GLG1: variants seen among roughly 807,000 people sequenced by gnomAD.
GLG1 encodes the protein golgi glycoprotein 1, also known as Golgi apparatus protein 1.
Under a neutral mutation model 160.5 loss-of-function variants are expected in GLG1, and 38 were observed. The observed-to-expected ratio is 0.24, with a 90% CI of 0.18 to 0.31. GLG1 has a LOEUF of 0.31. GLG1 is among the 10% of genes least tolerant of loss of function. GLG1 has a pLI of 1.00. For synonymous variants in GLG1, 644 were observed against 543.4 expected (o/e 1.19, Z -2.57); for missense variants, 1,373 against 1,505.2 (o/e 0.91, Z 1.45).
chr16:74,554,516 A>G (rs2143711046), intron 1 of GLG1, among the ~76,000 whole-genome samples: 1 of 152,332 alleles, frequency 6.6e-6, no homozygotes, highest in Non-Finnish European at 1.5e-5. Context: ...TGGGTGACAG[A>G]AAAAGACTCC....
intron 4 of GLG1, among the ~76,000 whole-genome samples, chr16:74,497,604 A>C (rs560664736): frequency 6.6e-6 from 1 of 151,796 alleles, no homozygotes; most frequent in East Asian, 2.0e-4. Context: ...CGCCCGGCTA[A>C]TTTTTTGTGT....
intron 1 of GLG1, among the ~76,000 whole-genome samples, chr16:74,584,242 G>A (rs1039629827): frequency 6.6e-6 from 1 of 152,154 alleles, no homozygotes; most frequent in Non-Finnish European, 1.5e-5. Context: ...GAACAGTAAT[G>A]CCAGCTGCTC....
chr16:74,601,078 C>G (rs941144809), intron 1 of GLG1, among the ~76,000 whole-genome samples: 1 of 152,068 alleles, frequency 6.6e-6, no homozygotes, highest in Non-Finnish European at 1.5e-5. Flanking sequence ...CATATTGGCT[C>G]AAACAAAACA....
intron 4 of GLG1, among the ~76,000 whole-genome samples, chr16:74,498,347 G>A (rs1330128691): frequency 6.9e-6 from 1 of 145,848 alleles, no homozygotes; most frequent in African/African-American, 2.5e-5. Context: ...AAGGAGAATC[G>A]CTTGAACCCA....
chr16:74,477,977 A>AAAACAAATAAAC (rs55773213), intron 11 of GLG1, among the ~76,000 whole-genome samples: 2 of 140,148 alleles, frequency 1.4e-5, no homozygotes, highest in Non-Finnish European at 3.1e-5. Flanking sequence ...CCGTCTCAAA[A>AAAACAAATAAAC]AAATAAATAA....
intron 1 of GLG1, among the ~76,000 whole-genome samples, chr16:74,540,998 G>A (rs1405736577): frequency 1.3e-5 from 2 of 152,134 alleles, no homozygotes; most frequent in Non-Finnish European, 2.9e-5. Context: ...CTGTGAGGTT[G>A]TAACTACCAC....
At position 74,606,792 on chromosome 16, in the gene GLG1, C is replaced by T. The variant is rs1437015728; in HGVS notation, c.303G>A (p.Arg101=). The change falls in exon 1 of 26, where the codon CGG becomes CGA. Residue 101 remains arginine, a synonymous_variant. Transcript: ENST00000422840. ...PFPAGGPPAR[R]GGAGAGGGWK... is the part of the protein sequence containing the mutation. ...AGCCCCCACCAGCCCCCGCTCCTCC[C>T]CGCCGGGCCGGAGGCCCACCCGCCG... is the stretch of plus-strand genomic sequence containing the variant. 1.9e-6 allele frequency: 3 copies of T among 1,600,568 alleles called. No homozygotes were observed. The highest frequency in any genetic ancestry group is 3.5e-5 in the Admixed American group (2 of 57,582).
chr16:74,496,455 G>A lies in GLG1; in HGVS notation c.964C>T (p.Arg322Cys). Residue 322 changes from arginine to cysteine, a missense_variant, in exon 5 of 26, where the codon CGT (arginine) becomes TGT (cysteine). Physicochemically the swap from Arg to Cys is radical, Grantham distance 180 (BLOSUM62 -3). This residue lies in a region of GLG1 where 174 missense variants were observed against 229.9 expected (regional missense o/e 0.76). Coordinates refer to ENST00000422840, the MANE Select transcript of GLG1 (RefSeq NM_001145667.2). ...LYFACRDDRE[R>C]FCENTQAGEG... ...AGCTGACTCACATTTTCACAAAAAC[G>A]CTCCCGATCATCTCGGCAAGCAAAA... The A allele has an allele frequency of 6.2e-7, 1 of 1,611,230 alleles. No homozygotes were observed. The highest frequency in any genetic ancestry group is 8.5e-7 in the Non-Finnish European group (1 of 1,177,516).
chr16:74,579,505 T>C (rs1051672702), intron 1 of GLG1, among the ~76,000 whole-genome samples: 12 of 143,896 alleles, frequency 8.3e-5, no homozygotes, highest in Non-Finnish European at 1.4e-4. Context: ...GTGGATCACC[T>C]GAGGTCAGGA....
At chr16:74,501,660 C>T (rs947325773) in intron 4 of GLG1, among the ~76,000 whole-genome samples, 1 of 152,102 alleles carries the variant, frequency 6.6e-6, no homozygotes, top group African/African-American at 2.4e-5. Context: ...GCACTCATCA[C>T]GAGGGTGAAA....
chr16:74,479,446 GAA>G (rs1231343562), intron 11 of GLG1, among the ~76,000 whole-genome samples: 1 of 116,170 alleles, frequency 8.6e-6, no homozygotes, highest in Non-Finnish European at 1.9e-5. Context: ...TATATGGAGA[GAA>G]AAAAAAAAAA....
chr16:74,601,359 C>T (rs1958435150), intron 1 of GLG1, among the ~76,000 whole-genome samples: 1 of 151,390 alleles, frequency 6.6e-6, no homozygotes, highest in Non-Finnish European at 1.5e-5. Flanking sequence ...GAGGGTGGGT[C>T]GGTTGAGCTC....
rs1488554917 is a variant in GLG1 at position 74,540,046 on chromosome 16, A to ATT, written c.439-7895_439-7894dup. On this transcript the variant is annotated intron_variant, in intron 1 of 25. Coordinates refer to ENST00000422840, the MANE Select transcript of GLG1 (RefSeq NM_001145667.2). ...TATATTATATATATTTTATATATAT[A>ATT]TTATATATATTTTATATATATATAT... 8.7e-3 allele frequency among the ~76,000 whole-genome samples: 67 copies of ATT among 7,684 alleles called. 30 individuals carry two copies. The highest frequency in any genetic ancestry group is 0.016 in the Admixed American group (6 of 366). 5.0% of individuals were successfully genotyped at this position (7,684 alleles called of 152,430 possible).
Position 74,607,007 on chromosome 16 carries a change from G to C in GLG1, c.88C>G (p.Leu30Val). The C allele has an allele frequency of 6.2e-7, 1 of 1,603,646 alleles. No individual in the cohort carries two copies. The highest frequency in any genetic ancestry group is 8.5e-7 in the Non-Finnish European group (1 of 1,177,288). ...LLLFAAGAEK[L>V]PGQGVHSQGQ... Reference sequence around the variant, plus strand: ...TGGCTGTGGACGCCCTGGCCGGGGAGTTTCTCGGCCCCGGCCGCGAATAGC... The same window carrying C: ...TGGCTGTGGACGCCCTGGCCGGGGACTTTCTCGGCCCCGGCCGCGAATAGC... Residue 30 changes from leucine to valine, a missense_variant, in exon 1 of 26, where the codon CTC (leucine) becomes GTC (valine). Around this residue, in one of 4 missense-constraint regions of GLG1, gnomAD observed 322 missense variants for 254.6 expected, o/e 1.26. Transcript: ENST00000422840.
intron 1 of GLG1, among the ~76,000 whole-genome samples, chr16:74,583,549 A>G (rs1163888372): frequency 6.6e-6 from 1 of 152,042 alleles, no homozygotes; most frequent in African/African-American, 2.4e-5. Context: ...CTGGCTAATT[A>G]TGACATTTTT....
chr16:74,548,043 C>T (rs2018097438), intron 1 of GLG1, among the ~76,000 whole-genome samples: 1 of 152,214 alleles, frequency 6.6e-6, no homozygotes, highest in African/African-American at 2.4e-5. Context: ...GATTCTCCTG[C>T]CTCAGCCTCC....
chr16:74,524,536 CT>C (rs888634618), intron 2 of GLG1, among the ~76,000 whole-genome samples: 467 of 134,822 alleles, frequency 3.5e-3, no homozygotes, highest in Middle Eastern at 4.0e-3. Context: ...GTACTATGGT[CT>C]TTTTTTTTTT....
chr16:74,535,840 C>T (rs1437015144), intron 1 of GLG1, among the ~76,000 whole-genome samples: 2 of 152,006 alleles, frequency 1.3e-5, no homozygotes, highest in Admixed American at 1.3e-4. Flanking sequence ...GGAACCAAAT[C>T]GCTATGAAGA....
intron 1 of GLG1, among the ~76,000 whole-genome samples, chr16:74,600,306 G>C (rs1958410509): frequency 1.3e-5 from 2 of 148,988 alleles, no homozygotes; most frequent in South Asian, 2.2e-4. Flanking sequence ...AGTGGGAGGA[G>C]AGCTTGAGCC....
Sources: gnomAD v4.1 joint callset for allele counts (sites outside exome capture counted in the v4.1 genomes callset) on GRCh38, gnomAD v4.1.1 for gene constraint, gnomAD v4.1.1 regional missense constraint, MANE v1.5 for transcripts, NCBI Gene and HGNC (gene_info 2026-07-23, HGNC 2026-07-21) for gene names.